SLC7A8: variants seen among roughly 807,000 people sequenced by gnomAD.
SLC7A8 encodes the protein large neutral amino acids transporter small subunit 2.
SLC7A8 carries 30 observed loss-of-function variants against 51.2 expected under a neutral mutation model. The observed-to-expected ratio is 0.59, with a 90% CI of 0.44 to 0.80. The LOEUF is 0.80. SLC7A8 is among the 30% of genes least tolerant of loss of function. The pLI is 0.00. For synonymous variants in SLC7A8, 257 were observed against 275.8 expected (o/e 0.93, Z 0.67); for missense variants, 612 against 674.4 (o/e 0.91, Z 1.03).
At chr14:23,144,716 C>CA (rs920066607) in intron 3 of SLC7A8, among the ~76,000 whole-genome samples, 5 of 152,104 alleles carry the variant, frequency 3.3e-5, no homozygotes, top group African/African-American at 1.2e-4. Context: ...CTCCACCTGG[C>CA]AAACCCCTTC....
chr14:23,138,164 C>T, intron 6 of SLC7A8, 140 bp from the exon 7 acceptor site: 3 of 1,083,754 alleles, frequency 2.8e-6, no homozygotes, highest in Non-Finnish European at 2.6e-6. Flanking sequence ...ATTGCCCCCA[C>T]CCTCTCAAGG....
intron 3 of SLC7A8, among the ~76,000 whole-genome samples, chr14:23,149,209 CT>C (rs1261791574): frequency 1.3e-5 from 2 of 152,230 alleles, no homozygotes; most frequent in Admixed American, 1.3e-4. Context: ...CCTATTTCCT[CT>C]TCCTCCATTT....
chr14:23,170,914 G>A (rs766412327), intron 1 of SLC7A8, among the ~76,000 whole-genome samples: 12 of 150,982 alleles, frequency 7.9e-5, no homozygotes, highest in Non-Finnish European at 1.6e-4. Flanking sequence ...TTCGATGGGG[G>A]GAGGGGGTCT....
intron 3 of SLC7A8, among the ~76,000 whole-genome samples, chr14:23,143,713 C>A (rs1443341114): frequency 6.6e-6 from 1 of 152,202 alleles, no homozygotes; most frequent in Non-Finnish European, 1.5e-5. Context: ...TTGACAAATG[C>A]ATTTAATGGC....
chr14:23,169,270 A>C (rs2140337103), intron 1 of SLC7A8, among the ~76,000 whole-genome samples: 1 of 152,244 alleles, frequency 6.6e-6, no homozygotes, highest in Non-Finnish European at 1.5e-5. Context: ...AGGTGGGAGG[A>C]CTGCTTGAGC....
Position 23,127,105 on chromosome 14 carries a change from G to T in SLC7A8, c.*72C>A. The stretch of plus-strand genomic sequence containing the variant: ...GAGGGGTGTGTGTGTACTCGCATGT[G>T]TTGGCAGGACCAAGGCAGGGAGGTA... On this transcript the variant is annotated 3_prime_UTR_variant, in exon 11 of 11. Transcript: ENST00000316902. 1 of 1,576,102 alleles carries T rather than the reference G, an allele frequency of 6.3e-7. No homozygotes were observed. The highest frequency in any genetic ancestry group is 8.7e-7 in the Non-Finnish European group (1 of 1,150,920).
intron 9 of SLC7A8, 180 bp downstream of exon 9, chr14:23,129,470 C>T (rs910639891): frequency 1.1e-5 from 7 of 634,592 alleles, no homozygotes; most frequent in Non-Finnish European, 1.9e-5. Flanking sequence ...CGATCTCATC[C>T]CCAGTGGAGA....
chr14:23,171,368 A>C (rs914252477), intron 1 of SLC7A8, among the ~76,000 whole-genome samples: 1 of 152,220 alleles, frequency 6.6e-6, no homozygotes, highest in African/African-American at 2.4e-5. Flanking sequence ...CTTCACTAGA[A>C]AAATTGCCGG....
chr14:23,155,424 A>G (rs1017886670), intron 3 of SLC7A8: 2 of 1,439,606 alleles, frequency 1.4e-6, no homozygotes, highest in South Asian at 1.5e-5. Context: ...CTCCTGCGCC[A>G]GCTGCTGGAG....
Position 23,127,306 on chromosome 14 carries a change from G to T in SLC7A8, c.1479C>A (p.Val493=), listed in dbSNP as rs746062170. Residue 493 remains valine, a synonymous_variant, in exon 11 of 11, where the codon GTC becomes GTA. Transcript: ENST00000316902. ...LTLVSQKMCV[V]VYPEVERGSG... ...AGCCCCGCTCCACCTCGGGGTACAC[G>T]ACCACACACATCTTCTGGCTCACCA... 2 of 1,614,052 alleles carry T rather than the reference G, an allele frequency of 1.2e-6. No homozygotes were observed. Among genetic ancestry groups the T allele is most frequent in the South Asian group, 2.2e-5 (2 of 91,088 alleles).
At chr14:23,154,225 T>TG in intron 3 of SLC7A8, 1 of 999,228 alleles carries the variant, frequency 1.0e-6, no homozygotes, top group South Asian at 4.7e-5. Flanking sequence ...ACCTGGGTCA[T>TG]GGCCTGCCAG....
intron 1 of SLC7A8, 48 bp downstream of exon 1, chr14:23,182,716 G>T: frequency 6.6e-7 from 1 of 1,505,680 alleles, no homozygotes; most frequent in Non-Finnish European, 8.9e-7. Context: ...CTCACAGGAG[G>T]ACCACCAGAG....
intron 8 of SLC7A8, among the ~76,000 whole-genome samples, chr14:23,130,758 G>C (rs1389249993): frequency 6.6e-6 from 1 of 152,094 alleles, no homozygotes; most frequent in African/African-American, 2.4e-5. Context: ...CTGTTATTCT[G>C]ATTGCTAACT....
At chr14:23,181,037 A>G (rs1486269264) in intron 1 of SLC7A8, among the ~76,000 whole-genome samples, 1 of 128,856 alleles carries the variant, frequency 7.8e-6, no homozygotes, top group Non-Finnish European at 1.8e-5. Flanking sequence ...AACAAAAAAA[A>G]AGAATACCTG....
Position 23,128,283 on chromosome 14 carries a change from C to T in SLC7A8, c.1264-87G>A, listed in dbSNP as rs1293108625. ...ACTGGGGCATTCTCTCTCTTCTTCA[C>T]CCACAGAGACACATCCTCAAGGGCA... On this transcript the variant is annotated intron_variant, in intron 9 of 10. Coordinates refer to ENST00000316902, the MANE Select transcript of SLC7A8 (RefSeq NM_012244.4). The surrounding 1 kb of genome is among the most constrained non-coding windows in gnomAD (Gnocchi z 4.3). The T allele has an allele frequency of 1.1e-5, 17 of 1,570,720 alleles. No homozygotes were observed. Among genetic ancestry groups the T allele is most frequent in the Non-Finnish European group, 1.5e-5 (17 of 1,159,082 alleles).
intron 1 of SLC7A8, among the ~76,000 whole-genome samples, chr14:23,177,578 A>G (rs1376173393): frequency 2.0e-5 from 3 of 152,242 alleles, no homozygotes; most frequent in African/African-American, 7.2e-5. Flanking sequence ...AATGCCTTCA[A>G]GACACAGATT....
At chr14:23,170,880 T>G (rs1487502106) in intron 1 of SLC7A8, among the ~76,000 whole-genome samples, 1 of 151,784 alleles carries the variant, frequency 6.6e-6, no homozygotes, top group Non-Finnish European at 1.5e-5. Context: ...TGTGTGCCAC[T>G]ATACAAAGCT....
rs1455132496 is a variant in SLC7A8, at chr14:23,125,482, T to G, written c.*1695A>C. ...GCTTCAAAAATATTTATCCAAAAAG[T>G]AAGGCATCAACTTTACAAAAAAATA... On this transcript the variant is annotated 3_prime_UTR_variant, in exon 11 of 11. Transcript: ENST00000316902. The G allele has an allele frequency of 6.6e-6, 1 of 151,526 alleles. No individual in the cohort carries two copies. The highest frequency in any genetic ancestry group is 1.5e-5 in the Non-Finnish European group (1 of 67,790). The allele number at this position is 151,526 out of a possible 1,614,324, so 9.4% of individuals were successfully genotyped here.
chr14:23,155,072 G>T, intron 3 of SLC7A8: 1 of 1,104,404 alleles, frequency 9.1e-7, no homozygotes, highest in Non-Finnish European at 1.3e-6. Flanking sequence ...TCTATAAAGT[G>T]CACAGTGGGG....
Sources: gnomAD v4.1 joint callset for allele counts (sites outside exome capture counted in the v4.1 genomes callset) on GRCh38, gnomAD v4.1.1 for gene constraint, Gnocchi (gnomAD v3.1) non-coding constraint, MANE v1.5 for transcripts, NCBI Gene and HGNC (gene_info 2026-07-23, HGNC 2026-07-21) for gene names.